The following HDAC4 variants were observed in gnomAD, a reference collection of about 807,000 sequenced individuals.
The protein encoded by HDAC4 is histone deacetylase 4.
Under a neutral mutation model 135.1 loss-of-function variants are expected in HDAC4, and 16 were observed. The ratio of observed to expected loss-of-function variants is 0.12; its 90% CI spans 0.08 to 0.18. The LOEUF (loss-of-function observed/expected upper bound fraction) is 0.18. Among genes scored for constraint, HDAC4 ranks in the 10% least tolerant of loss-of-function variants. The pLI is 1.00. For synonymous variants in HDAC4, 685 were observed against 653.4 expected, an observed-to-expected ratio of 1.05 and a Z score of -0.74; for missense variants, 1,143 against 1,511.8, an observed-to-expected ratio of 0.76 and a Z score of 4.05.
At chr2:239,113,947 A>G (rs1418692136) in intron 13 of HDAC4, among the ~76,000 whole-genome samples, 2 of 152,130 alleles carry the variant, frequency 1.3e-5, no homozygotes, top group Non-Finnish European at 2.9e-5. Flanking sequence ...CAAGAAGGAG[A>G]AATAGCACCC....
At chr2:239,056,865 T>G (rs1327687688) in intron 24 of HDAC4, among the ~76,000 whole-genome samples, 1 of 152,238 alleles carries the variant, frequency 6.6e-6, no homozygotes, top group Non-Finnish European at 1.5e-5. Flanking sequence ...TTCGATCCTA[T>G]GATCTTCCTC....
chr2:239,180,625 A>G (rs2044087176), intron 4 of HDAC4, among the ~76,000 whole-genome samples: 1 of 152,214 alleles, frequency 6.6e-6, no homozygotes, highest in Non-Finnish European at 1.5e-5. Context: ...CAGCCCAGAC[A>G]AGGGACAGAG....
intron 8 of HDAC4, 100 bp downstream of exon 8, chr2:239,144,483 A>G (rs2041618385): frequency 1.4e-5 from 21 of 1,469,742 alleles, no homozygotes; most frequent in Middle Eastern, 2.4e-4. Flanking sequence ...AGCGTGAGGC[A>G]GACACGTGGG....
At chr2:239,264,223 A>G (rs544528215) in intron 2 of HDAC4, among the ~76,000 whole-genome samples, 1 of 152,084 alleles carries the variant, frequency 6.6e-6, no homozygotes, top group South Asian at 2.1e-4. Flanking sequence ...CACAGGCTTC[A>G]CCTCTTTCTG....
rs542128407 is a variant in HDAC4 at position 239,096,318 on chromosome 2, C to T, written c.2234-1262G>A. On this transcript the variant is annotated intron_variant, in intron 16 of 26. Coordinates refer to ENST00000543185, the MANE Select transcript of HDAC4 (RefSeq NM_001378414.1). The stretch of plus-strand genomic sequence containing the variant: ...ACAGAGGCCTGCTTGCCTTAGCCCA[C>T]GGATGCCCGCACCCCCTACGGACGC... Among the ~76,000 whole-genome samples, 23 of 151,718 alleles carry T rather than the reference C, an allele frequency of 1.5e-4. No individual in the cohort carries two copies. The East Asian group carries it at 1.9e-3, about 13-fold the overall frequency.
At chr2:239,193,188 G>A (rs918126758) in intron 3 of HDAC4, among the ~76,000 whole-genome samples, 1 of 152,204 alleles carries the variant, frequency 6.6e-6, no homozygotes, top group Non-Finnish European at 1.5e-5. Flanking sequence ...GTAGAAACAG[G>A]GTCCCACCAC....
At chr2:239,334,322 C>A (rs1391876098) in intron 2 of HDAC4, among the ~76,000 whole-genome samples, 2 of 151,724 alleles carry the variant, frequency 1.3e-5, no homozygotes, top group Non-Finnish European at 2.9e-5. Flanking sequence ...GAGTTCGAGA[C>A]CAGCCTGATC....
intron 18 of HDAC4, among the ~76,000 whole-genome samples, chr2:239,088,546 CTT>C (rs1408121670): frequency 2.0e-5 from 3 of 152,362 alleles, no homozygotes; most frequent in African/African-American, 7.2e-5. Context: ...TCTATGTACT[CTT>C]TTCACTGCCC....
In HDAC4 at chr2:239,364,969, G is replaced by C. The variant is rs547460536; in HGVS notation, c.-219-12051C>G. Reference sequence around the variant, plus strand: ...GCAGATTTTAAATGGAGAAAAAACAGGGAATTCCCAAAGAGGTACTAAGTC... The same window carrying C: ...GCAGATTTTAAATGGAGAAAAAACACGGAATTCCCAAAGAGGTACTAAGTC... On this transcript the variant is annotated intron_variant, in intron 1 of 26. Coordinates refer to ENST00000543185, the MANE Select transcript of HDAC4 (RefSeq NM_001378414.1). 4.6e-5 allele frequency among the ~76,000 whole-genome samples: 7 copies of C among 152,310 alleles called. No individual in the cohort carries two copies. The East Asian group carries it at 1.2e-3, about 25-fold the overall frequency.
At chr2:239,283,609 G>C (rs1000472210) in intron 2 of HDAC4, among the ~76,000 whole-genome samples, 4 of 152,260 alleles carry the variant, frequency 2.6e-5, no homozygotes, top group African/African-American at 9.6e-5. Flanking sequence ...GGAAGGCAGA[G>C]TTGTAAGCAC....
rs1694258814 is a variant in HDAC4, at chr2:239,366,908, C to A, written c.-219-13990G>T. 4.0e-5 allele frequency among the ~76,000 whole-genome samples: 6 copies of A among 149,168 alleles called. No individual in the cohort carries two copies. In the South Asian group the frequency reaches 1.2e-3, roughly 31 times the overall value. Reference sequence around the variant, plus strand: ...AGTACCAGACTAAGTAAGGAAAGATCTCTTCCACCATAACCACCATGCACC... The same window carrying A: ...AGTACCAGACTAAGTAAGGAAAGATATCTTCCACCATAACCACCATGCACC... On this transcript the variant is annotated intron_variant, in intron 1 of 26. Transcript: ENST00000543185.
At chr2:239,147,622 G>A (rs2041850867) in intron 7 of HDAC4, among the ~76,000 whole-genome samples, 1 of 152,274 alleles carries the variant, frequency 6.6e-6, no homozygotes, top group Non-Finnish European at 1.5e-5. Flanking sequence ...TAAGAGGGCT[G>A]CAGGTACATT....
At chr2:239,363,863 C>A (rs1694007859) in intron 1 of HDAC4, among the ~76,000 whole-genome samples, 3 of 152,152 alleles carry the variant, frequency 2.0e-5, no homozygotes, top group African/African-American at 7.2e-5. Flanking sequence ...ATAATTCTTA[C>A]AAATCACTAA....
chr2:239,064,660 G>A lies in HDAC4; in HGVS notation c.3003+2062C>T, dbSNP rs1035297244. ...CCCAGTTAGCAGCGAGTTACCAACCGTTTGGAAAGCAACCTGCTTCCCAGG... is the reference window on the plus strand; with the variant it reads ...CCCAGTTAGCAGCGAGTTACCAACCATTTGGAAAGCAACCTGCTTCCCAGG... On this transcript the variant is annotated intron_variant, in intron 24 of 26. Coordinates refer to ENST00000543185, the MANE Select transcript of HDAC4 (RefSeq NM_001378414.1). 5.3e-5 allele frequency among the ~76,000 whole-genome samples: 8 copies of A among 152,344 alleles called. No individual in the cohort carries two copies. In the South Asian group the frequency reaches 1.0e-3, roughly 20 times the overall value.
intron 17 of HDAC4, 139 bp downstream of exon 17, chr2:239,094,871 G>A (rs938474550): frequency 1.8e-4 from 280 of 1,582,810 alleles, no homozygotes; most frequent in Non-Finnish European, 2.2e-4. Context: ...GGCCTTTGAA[G>A]CCGCACATGG....
intron 3 of HDAC4, among the ~76,000 whole-genome samples, chr2:239,196,770 A>T (rs560164289): frequency 8.5e-5 from 13 of 152,106 alleles, no homozygotes; most frequent in African/African-American, 3.1e-4. Context: ...TGGGCAGAAG[A>T]CCCCCTTGGA....
intron 2 of HDAC4, among the ~76,000 whole-genome samples, chr2:239,268,310 G>A (rs1242628062): frequency 1.3e-5 from 2 of 152,238 alleles, no homozygotes; most frequent in East Asian, 3.9e-4. Flanking sequence ...AGGCAGGCCT[G>A]TCCTGGAAGG....
chr2:239,093,809 G>T, intron 17 of HDAC4: 1 of 388,140 alleles, frequency 2.6e-6, no homozygotes, highest in Non-Finnish European at 3.5e-6. Flanking sequence ...GCCTTGCACA[G>T]GCGTGCTGGC....
chr2:239,258,094 G>A (rs896679362), intron 2 of HDAC4, among the ~76,000 whole-genome samples: 1 of 152,068 alleles, frequency 6.6e-6, no homozygotes. Context: ...AAGATGAGTT[G>A]GAAACTTGAA....
Sources: allele counts gnomAD v4.1 joint callset (sites outside exome capture counted in the v4.1 genomes callset), GRCh38; gene constraint gnomAD v4.1.1; transcripts MANE v1.5; gene names NCBI Gene and HGNC (gene_info 2026-07-23, HGNC 2026-07-21).